The following RGS12 variants were observed in gnomAD, a reference collection of about 807,000 sequenced individuals.
The protein encoded by RGS12 is regulator of G-protein signaling 12.
In RGS12, 66 loss-of-function variants were observed where a neutral mutation model predicts 120.1. That is an observed-to-expected ratio of 0.55 (90% CI 0.45 to 0.67). The LOEUF (loss-of-function observed/expected upper bound fraction) is 0.67, where lower values mean the gene tolerates loss of function less well. Ranked by LOEUF, RGS12 falls within the 30% of genes least tolerant of loss-of-function variation. The pLI, the probability that RGS12 is intolerant of heterozygous loss-of-function variation, is 0.00. For synonymous variants in RGS12, 827 were observed against 804.7 expected, an observed-to-expected ratio of 1.03 and a Z score of -0.47; for missense variants, 1,859 against 1,957.7, an observed-to-expected ratio of 0.95 and a Z score of 0.95.
chr4:3,414,708 G>A (rs1577072125), intron 5 of RGS12, 44 bp from the exon 6 acceptor site: 1 of 1,368,250 alleles, frequency 7.3e-7, no homozygotes, highest in African/African-American at 1.4e-5. Flanking sequence ...GAAAAAGGAG[G>A]ACCCTGTGTC....
At chr4:3,333,841 A>G (rs1270139435) in intron 2 of RGS12, among the ~76,000 whole-genome samples, 1 of 152,172 alleles carries the variant, frequency 6.6e-6, no homozygotes, top group Non-Finnish European at 1.5e-5. Flanking sequence ...TGCTATTGAT[A>G]TTTTGTGTTT....
At chr4:3,334,608 C>T (rs896112388) in intron 2 of RGS12, among the ~76,000 whole-genome samples, 5 of 151,950 alleles carry the variant, frequency 3.3e-5, no homozygotes, top group South Asian at 2.1e-4. Flanking sequence ...TCCTTTTCCT[C>T]GTATATTGAA....
At position 3,430,579 on chromosome 4, in the gene RGS12, C is replaced by T. The variant is rs576405210; in HGVS notation, c.3738C>T (p.Ala1246=). Residue 1246 remains alanine (A), a synonymous_variant, in exon 17 of 18, where the codon GCC becomes GCT. Coordinates refer to ENST00000336727, the MANE Select transcript of RGS12 (RefSeq NM_001394154.1). ...AVAKGFSKRS[A]TGNGRESASQ... is the part of the protein sequence containing the mutation. ...CCAAGGGCTTTAGCAAGAGAAGCGC[C>T]ACAGGCAACGGCCGGGAGAGCGCCT... 3 of 1,612,730 alleles carry T rather than the reference C, an allele frequency of 1.9e-6. No individual in the cohort carries two copies. The highest frequency in any genetic ancestry group is 2.7e-5 in the African/African-American group (2 of 74,916).
At chr4:3,337,378 AG>A (rs1356655298) in intron 2 of RGS12, among the ~76,000 whole-genome samples, 7 of 152,234 alleles carry the variant, frequency 4.6e-5, no homozygotes, top group African/African-American at 1.7e-4. Flanking sequence ...ATATACCCAA[AG>A]AATTGAAATC....
Position 3,316,230 on chromosome 4 carries a change from G to A in RGS12, c.60G>A (p.Val20=). ...TGCCTGGGCCGTCGCCCCCAAGGGT[G>A]CGGAGTGTGGAGGTTGCCCGGGGGA... ...RPLPGPSPPR[V]RSVEVARGRA... Residue 20 remains valine (V), a synonymous_variant, in exon 2 of 18, where the codon GTG becomes GTA. Transcript: ENST00000336727. The A allele has an allele frequency of 6.2e-7, 1 of 1,611,880 alleles. No individual in the cohort carries two copies. Among genetic ancestry groups the A allele is most frequent in the South Asian group, 1.1e-5 (1 of 90,684 alleles).
At chr4:3,375,025 C>T (rs1352100589) in intron 3 of RGS12, among the ~76,000 whole-genome samples, 1 of 152,204 alleles carries the variant, frequency 6.6e-6, no homozygotes, top group East Asian at 1.9e-4. Context: ...ACCGCCTGTC[C>T]CTGTGGGCAG....
intron 3 of RGS12, among the ~76,000 whole-genome samples, chr4:3,371,965 C>T (rs546044976): frequency 2.3e-4 from 35 of 152,222 alleles, no homozygotes; most frequent in Middle Eastern, 3.4e-3. Context: ...CCGGGATTTC[C>T]ACTTGGAGAG....
intron 3 of RGS12, among the ~76,000 whole-genome samples, chr4:3,367,990 G>A (rs994390858): frequency 6.6e-6 from 1 of 152,254 alleles, no homozygotes; most frequent in Non-Finnish European, 1.5e-5. Context: ...ACAATGGGAT[G>A]AAGATGTTTC....
At chr4:3,410,709 G>GGCC (rs1721641744) in intron 4 of RGS12, among the ~76,000 whole-genome samples, 1 of 152,226 alleles carries the variant, frequency 6.6e-6, no homozygotes, top group Non-Finnish European at 1.5e-5. Context: ...TCGTGATCTT[G>GGCC]GCCAGGAGGA....
At chr4:3,407,247 T>C (rs1261857917) in intron 4 of RGS12, 1 of 152,370 alleles carries the variant, frequency 6.6e-6, no homozygotes, top group Admixed American at 6.5e-5. Flanking sequence ...CGGCAGCAGC[T>C]GAGGGGCTGC....
chr4:3,407,979 A>C (rs2109067570), intron 4 of RGS12, among the ~76,000 whole-genome samples: 1 of 152,346 alleles, frequency 6.6e-6, no homozygotes, highest in East Asian at 1.9e-4. Flanking sequence ...CAGTCGAAAG[A>C]AAAAATCCCA....
intron 3 of RGS12, among the ~76,000 whole-genome samples, chr4:3,346,709 C>T (rs1713826614): frequency 6.6e-6 from 1 of 152,206 alleles, no homozygotes; most frequent in Admixed American, 6.5e-5. Context: ...TCTTCAGAAA[C>T]ATGGCTGCTT....
At chr4:3,303,865 A>C (rs1424367046) in intron 1 of RGS12, among the ~76,000 whole-genome samples, 1 of 152,232 alleles carries the variant, frequency 6.6e-6, no homozygotes, top group African/African-American at 2.4e-5. Context: ...TGTTCAAAGA[A>C]ACGAAGCATT....
intron 2 of RGS12, among the ~76,000 whole-genome samples, chr4:3,323,145 A>G (rs1291593534): frequency 6.6e-6 from 1 of 152,242 alleles, no homozygotes; most frequent in Non-Finnish European, 1.5e-5. Context: ...TGGGAGGACA[A>G]GCCAGGGGCG....
intron 2 of RGS12, among the ~76,000 whole-genome samples, chr4:3,320,421 C>T (rs547940330): frequency 3.9e-5 from 6 of 152,242 alleles, no homozygotes; most frequent in Non-Finnish European, 5.9e-5. Context: ...AACGGTGTGG[C>T]GGTCACTGCT....
intron 2 of RGS12, chr4:3,342,424 C>G (rs1713328681): frequency 7.9e-7 from 1 of 1,264,750 alleles, no homozygotes; most frequent in African/African-American, 1.5e-5. Flanking sequence ...CAGTTATTTC[C>G]TGCGCCGGAG....
chr4:3,424,168 G>T (rs1355816515), intron 13 of RGS12, among the ~76,000 whole-genome samples: 1 of 152,276 alleles, frequency 6.6e-6, no homozygotes, highest in Non-Finnish European at 1.5e-5. Context: ...GACCGCAGGT[G>T]CTGGGCAGGC....
chr4:3,322,958 A>G (rs1483218679), intron 2 of RGS12, among the ~76,000 whole-genome samples: 1 of 152,226 alleles, frequency 6.6e-6, no homozygotes, highest in East Asian at 1.9e-4. Flanking sequence ...TTAACAGAGA[A>G]TGGAGAAATA....
At chr4:3,357,021 G>A (rs1377768590) in intron 3 of RGS12, among the ~76,000 whole-genome samples, 2 of 152,244 alleles carry the variant, frequency 1.3e-5, no homozygotes, top group South Asian at 2.1e-4. Context: ...CAGTGCACAA[G>A]GTTTCCAGCT....
Sources: allele counts gnomAD v4.1 joint callset (sites outside exome capture counted in the v4.1 genomes callset), GRCh38; gene constraint gnomAD v4.1.1; transcripts MANE v1.5; gene names NCBI Gene and HGNC (gene_info 2026-07-23, HGNC 2026-07-21).